The following PIK3C2G variants were observed in gnomAD, a reference collection of about 807,000 sequenced individuals.
PIK3C2G encodes the protein phosphatidylinositol 3-kinase C2 domain-containing subunit gamma.
PIK3C2G carries 168 observed loss-of-function variants against 181.1 expected under a neutral mutation model. The observed-to-expected ratio is 0.93, with a 90% confidence interval of 0.82 to 1.05. PIK3C2G has a LOEUF of 1.05. PIK3C2G is among the 50% of genes least tolerant of loss of function. The pLI is 0.00. For synonymous variants in PIK3C2G, 573 were observed against 592.2 expected (o/e 0.97, Z 0.47); for missense variants, 1,869 against 1,732.8 (o/e 1.08, Z -1.40).
intron 18 of PIK3C2G, among the ~76,000 whole-genome samples, chr12:18,438,785 C>T (rs1234136755): frequency 2.0e-5 from 3 of 151,814 alleles, no homozygotes; most frequent in Non-Finnish European, 4.4e-5. Flanking sequence ...TCAGGCCTCT[C>T]CTAAGCTGGG....
At chr12:18,548,435 G>A (rs555465176) in intron 26 of PIK3C2G, among the ~76,000 whole-genome samples, 1 of 152,136 alleles carries the variant, frequency 6.6e-6, no homozygotes, top group African/African-American at 2.4e-5. Flanking sequence ...AAAGAGAAAT[G>A]TAAATAGGCT....
chr12:18,447,257 C>A (rs754217581), intron 18 of PIK3C2G, among the ~76,000 whole-genome samples: 1 of 152,058 alleles, frequency 6.6e-6, no homozygotes, highest in Non-Finnish European at 1.5e-5. Context: ...TGCTTGTGCC[C>A]AGTTAGGTAG....
In PIK3C2G at chr12:18,422,162, T is replaced by C. The variant is rs148420557; in HGVS notation, c.2409+1128T>C. Reference sequence around the variant, plus strand: ...GCATCAGGAATGTCATTGAGACCCATATTGCCACAAATCCAAATGTATAAG... The same window carrying C: ...GCATCAGGAATGTCATTGAGACCCACATTGCCACAAATCCAAATGTATAAG... On this transcript the variant is annotated intron_variant, in intron 17 of 32. Transcript: ENST00000538779. 4.0e-3 allele frequency among the ~76,000 whole-genome samples: 613 copies of C among 152,210 alleles called. 7 individuals carry two copies. Among genetic ancestry groups the C allele is most frequent in the African/African-American group, 0.014 (570 of 41,548 alleles).
intron 31 of PIK3C2G, among the ~76,000 whole-genome samples, chr12:18,616,591 G>A (rs2136640434): frequency 6.6e-6 from 1 of 152,080 alleles, no homozygotes; most frequent in East Asian, 1.9e-4. Context: ...CTCTCCAGAT[G>A]ACATAGCCAT....
At chr12:18,295,670 A>G (rs955276837) in intron 5 of PIK3C2G, among the ~76,000 whole-genome samples, 2 of 152,002 alleles carry the variant, frequency 1.3e-5, no homozygotes, top group African/African-American at 2.4e-5. Flanking sequence ...TTTTATTAAG[A>G]TAGGAAAGTT....
intron 32 of PIK3C2G, among the ~76,000 whole-genome samples, chr12:18,644,276 A>G (rs949418061): frequency 6.6e-6 from 1 of 152,102 alleles, no homozygotes; most frequent in Non-Finnish European, 1.5e-5. Context: ...TGCTCAGGGA[A>G]CTGCCATACA....
chr12:18,246,349 C>T (rs1349924077), upstream of PIK3C2G, among the ~76,000 whole-genome samples: 1 of 152,098 alleles, frequency 6.6e-6, no homozygotes, highest in Admixed American at 6.6e-5. Context: ...ACAAGTGAAT[C>T]CATTTCTCAT....
chr12:18,388,734 C>T (rs147533947), intron 14 of PIK3C2G, among the ~76,000 whole-genome samples: 1 of 152,166 alleles, frequency 6.6e-6, no homozygotes, highest in African/African-American at 2.4e-5. Context: ...GTGAGCAGTG[C>T]CAAGTAATGA....
chr12:18,701,626 C>CCTT, the PIK3C2G span: 1 of 1,565,324 alleles, frequency 6.4e-7, no homozygotes, highest in Non-Finnish European at 8.7e-7. Flanking sequence ...TCCTCCTCCT[C>CCTT]CTCCTCCTCC....
At chr12:18,266,013 T>TAAAAAAAAAAA (rs61315448) in intron 1 of PIK3C2G, among the ~76,000 whole-genome samples, 3 of 61,768 alleles carry the variant, frequency 4.9e-5, no homozygotes, top group Non-Finnish European at 5.6e-5. Flanking sequence ...AGACTTCATC[T>TAAAAAAAAAAA]AAAAAAAAAA....
chr12:18,411,946 A>G (rs1390609438), intron 16 of PIK3C2G, among the ~76,000 whole-genome samples: 1 of 152,144 alleles, frequency 6.6e-6, no homozygotes, highest in Non-Finnish European at 1.5e-5. Flanking sequence ...AAAAACAATA[A>G]GGGGAGAAAA....
At chr12:18,625,488 T>C (rs575858872) in intron 31 of PIK3C2G, among the ~76,000 whole-genome samples, 3 of 151,920 alleles carry the variant, frequency 2.0e-5, no homozygotes, top group South Asian at 2.1e-4. Flanking sequence ...GAGAAAACTT[T>C]ATTATGTTGC....
chr12:18,632,551 G>A (rs1470363240), intron 31 of PIK3C2G, among the ~76,000 whole-genome samples: 3 of 152,170 alleles, frequency 2.0e-5, no homozygotes, highest in African/African-American at 7.2e-5. Flanking sequence ...GATTGATCAT[G>A]AGGAATTGGC....
intron 12 of PIK3C2G, among the ~76,000 whole-genome samples, chr12:18,364,727 G>A (rs1941514632): frequency 6.6e-6 from 1 of 151,944 alleles, no homozygotes; most frequent in African/African-American, 2.4e-5. Flanking sequence ...GTGAAACTTT[G>A]TCTCTACTAA....
At chr12:18,366,305 G>A (rs1941636210) in intron 12 of PIK3C2G, among the ~76,000 whole-genome samples, 1 of 152,208 alleles carries the variant, frequency 6.6e-6, no homozygotes, top group Non-Finnish European at 1.5e-5. Context: ...CACTTTGGGA[G>A]GTGGATCATT....
chr12:18,564,936 A>C (rs369506524), intron 28 of PIK3C2G, among the ~76,000 whole-genome samples: 12 of 152,290 alleles, frequency 7.9e-5, no homozygotes, highest in African/African-American at 2.9e-4. Flanking sequence ...AAAACTTTAA[A>C]AATTCTAATA....
intron 29 of PIK3C2G, among the ~76,000 whole-genome samples, chr12:18,578,181 A>G (rs567417646): frequency 6.6e-6 from 1 of 152,346 alleles, no homozygotes; most frequent in Non-Finnish European, 1.5e-5. Context: ...ACTCTACCCC[A>G]GAAAGTAGGA....
chr12:18,319,546 A>G (rs1951014659), intron 6 of PIK3C2G, among the ~76,000 whole-genome samples: 1 of 152,164 alleles, frequency 6.6e-6, no homozygotes, highest in African/African-American at 2.4e-5. Context: ...AGGTATTTAA[A>G]TTAAAAAATT....
the PIK3C2G span, among the ~76,000 whole-genome samples, chr12:18,658,786 A>G: frequency 6.6e-6 from 1 of 152,274 alleles, no homozygotes; most frequent in East Asian, 1.9e-4. Context: ...AGAGAATGCT[A>G]TACTTTAGCT....
Sources: gnomAD v4.1 joint callset for allele counts (sites outside exome capture counted in the v4.1 genomes callset) on GRCh38, gnomAD v4.1.1 for gene constraint, MANE v1.5 for transcripts, NCBI Gene and HGNC (gene_info 2026-07-23, HGNC 2026-07-21) for gene names.